Variants in UQCC6 observed in about 807,000 individuals in gnomAD.
UQCC6 encodes protein BRAWNIN.
chr12:103,954,859 CAA>C, the UQCC6 span: 1 of 679,778 alleles, frequency 1.5e-6, no homozygotes, highest in Non-Finnish European at 2.7e-6. Flanking sequence ...TGAACAGGAG[CAA>C]AAAAGAGACA....
At chr12:103,953,460 T>A in the UQCC6 span, 1 of 702,250 alleles carries the variant, frequency 1.4e-6, no homozygotes, top group Admixed American at 2.0e-5. Flanking sequence ...GTCTAGGCAG[T>A]CATCATGGTC....
the UQCC6 span, among the ~76,000 whole-genome samples, chr12:103,958,663 G>T: frequency 7.9e-5 from 12 of 152,176 alleles, no homozygotes; most frequent in African/African-American, 2.7e-4. Context: ...GGTGGGTTTA[G>T]ACTACAATTG....
chr12:103,951,034 A>G, the UQCC6 span: 7 of 152,524 alleles, frequency 4.6e-5, no homozygotes, highest in Middle Eastern at 3.4e-3. Context: ...CCAGCCTTTC[A>G]TTCTAGAAAG....
the UQCC6 span, chr12:103,957,072 T>C: frequency 2.9e-6 from 1 of 344,610 alleles, no homozygotes; most frequent in East Asian, 6.3e-5. Flanking sequence ...CTTCTACCTC[T>C]TGGAGGAGAG....
At chr12:103,959,595 C>T in the UQCC6 span, among the ~76,000 whole-genome samples, 5 of 151,530 alleles carry the variant, frequency 3.3e-5, no homozygotes, top group Admixed American at 2.0e-4. Context: ...GCCTGTAGTC[C>T]CAGCTACTCG....
At chr12:103,962,898 G>A in the UQCC6 span, among the ~76,000 whole-genome samples, 1 of 152,074 alleles carries the variant, frequency 6.6e-6, no homozygotes, top group Non-Finnish European at 1.5e-5. Flanking sequence ...CTGGGCTAAG[G>A]GCTTGCCTGC....
the UQCC6 span, among the ~76,000 whole-genome samples, chr12:103,952,494 A>G: frequency 6.6e-6 from 1 of 152,226 alleles, no homozygotes; most frequent in Non-Finnish European, 1.5e-5. Context: ...TTCATATACA[A>G]GTTTTTGTGT....
the UQCC6 span, among the ~76,000 whole-genome samples, chr12:103,953,036 G>A: frequency 3.3e-5 from 5 of 152,202 alleles, no homozygotes; most frequent in Non-Finnish European, 7.3e-5. Flanking sequence ...AGTCTCCAGT[G>A]TTTTTCACTC....
chr12:103,951,499 T>C, the UQCC6 span: 1 of 1,262,580 alleles, frequency 7.9e-7, no homozygotes, highest in Non-Finnish European at 1.1e-6. Context: ...AAGACTTATA[T>C]TATTCACAGA....
chr12:103,960,998 T>C, the UQCC6 span, among the ~76,000 whole-genome samples: 1 of 152,162 alleles, frequency 6.6e-6, no homozygotes, highest in South Asian at 2.1e-4. Context: ...GGCCGGATCC[T>C]TCACAAGGTA....
At chr12:103,957,799 T>G in the UQCC6 span, among the ~76,000 whole-genome samples, 2 of 151,232 alleles carry the variant, frequency 1.3e-5, no homozygotes, top group Non-Finnish European at 2.9e-5. Context: ...AGCCAGCACT[T>G]TGGGAGGCCA....
At chr12:103,956,807 G>T in the UQCC6 span, 1 of 1,096,802 alleles carries the variant, frequency 9.1e-7, no homozygotes, top group Non-Finnish European at 1.3e-6. Flanking sequence ...CACCGCGCCA[G>T]GGCTGAGGCG....
At chr12:103,952,228 GTCT>G in the UQCC6 span, among the ~76,000 whole-genome samples, 1 of 152,038 alleles carries the variant, frequency 6.6e-6, no homozygotes, top group African/African-American at 2.4e-5. Flanking sequence ...ATAACTATTA[GTCT>G]TCTTTTTGTC....
the UQCC6 span, among the ~76,000 whole-genome samples, chr12:103,960,858 T>G: frequency 6.6e-6 from 1 of 152,192 alleles, no homozygotes; most frequent in East Asian, 1.9e-4. Context: ...CATACAATTA[T>G]GTACACTACA....
chr12:103,955,405 G>A, the UQCC6 span, among the ~76,000 whole-genome samples: 2 of 152,204 alleles, frequency 1.3e-5, no homozygotes, highest in Non-Finnish European at 2.9e-5. Context: ...CAGAGGCCAA[G>A]GTGGGAGGAC....
chr12:103,956,677 A>G, the UQCC6 span: 2 of 1,551,728 alleles, frequency 1.3e-6, no homozygotes, highest in East Asian at 4.9e-5. Context: ...CCCTGCGCAC[A>G]TGGCCAGGAG....
At chr12:103,954,904 A>G in the UQCC6 span, 1 of 699,392 alleles carries the variant, frequency 1.4e-6, no homozygotes, top group South Asian at 1.5e-5. Context: ...TCAGATCCTC[A>G]AATCGTCTCA....
the UQCC6 span, chr12:103,956,368 G>C: frequency 2.9e-6 from 1 of 349,064 alleles, no homozygotes; most frequent in East Asian, 5.2e-5. Flanking sequence ...GTGGCAGATA[G>C]GCCACAGGTA....
chr12:103,961,514 TTTTATC>T, the UQCC6 span, among the ~76,000 whole-genome samples: 1 of 148,890 alleles, frequency 6.7e-6, no homozygotes, highest in African/African-American at 2.5e-5. Flanking sequence ...CTGCTACATT[TTTTATC>T]TTTAATACTG....
Sources: gnomAD v4.1 joint callset for allele counts (sites outside exome capture counted in the v4.1 genomes callset) on GRCh38, gnomAD v4.1.1 for gene constraint, MANE v1.5 for transcripts, NCBI Gene and HGNC (gene_info 2026-07-23, HGNC 2026-07-21) for gene names.